Variants in RABGAP1L observed in about 807,000 individuals in gnomAD.
The protein encoded by RABGAP1L is rab GTPase-activating protein 1-like.
Under a neutral mutation model 137.7 loss-of-function variants are expected in RABGAP1L, and 63 were observed. The observed-to-expected ratio is 0.46, with a 90% CI of 0.37 to 0.56. The LOEUF (loss-of-function observed/expected upper bound fraction) is 0.56, where lower values mean the gene tolerates loss of function less well. RABGAP1L is among the 20% of genes least tolerant of loss of function. The pLI is 0.00. For synonymous variants in RABGAP1L, 431 were observed against 433.7 expected, an observed-to-expected ratio of 0.99 and a Z score of 0.08; for missense variants, 1,095 against 1,244.0, an observed-to-expected ratio of 0.88 and a Z score of 1.80.
Position 174,988,753 on chromosome 1 carries a change from A to C in RABGAP1L, c.2918A>C (p.Asp973Ala), listed in dbSNP as rs1416276756. 6.5e-7 allele frequency: 1 copy of C among 1,550,108 alleles called. No individual in the cohort carries two copies. The highest frequency in any genetic ancestry group is 8.7e-7 in the Non-Finnish European group (1 of 1,146,728). The change falls in exon 25 of 26, where the codon GAC becomes GCC. Residue 973 changes from aspartate (D) to alanine (A), a missense_variant. Physicochemically the swap from Asp to Ala is moderately radical, Grantham distance 126. This residue lies in a region of RABGAP1L where 312 missense variants were observed against 435.6 expected (regional missense o/e 0.72). Transcript: ENST00000681986. Reference protein sequence around the residue: ...DQGIETDDEKDSLKKQLREME... With the variant: ...DQGIETDDEKASLKKQLREME... ...GGAATTGAAACAGATGATGAGAAGG[A>C]CTCACTTAAGAAGCAGCTGAGAGAG...
intron 10 of RABGAP1L, among the ~76,000 whole-genome samples, chr1:174,280,449 G>T (rs1350267934): frequency 6.6e-6 from 1 of 152,142 alleles, no homozygotes; most frequent in African/African-American, 2.4e-5. Context: ...TGAACTTATT[G>T]AATGAAACCA....
At chr1:174,234,030 T>G (rs1258101561) in intron 4 of RABGAP1L, among the ~76,000 whole-genome samples, 2 of 137,582 alleles carry the variant, frequency 1.5e-5, no homozygotes, top group South Asian at 2.2e-4. Context: ...TGATGAGCAT[T>G]TTTTCATGTG....
chr1:174,247,576 C>A (rs1179939620), intron 5 of RABGAP1L, among the ~76,000 whole-genome samples: 1 of 152,224 alleles, frequency 6.6e-6, no homozygotes, highest in African/African-American at 2.4e-5. Flanking sequence ...CCGGGTCCAC[C>A]CAACATGGCA....
chr1:174,307,011 T>G (rs1256055507), intron 11 of RABGAP1L, among the ~76,000 whole-genome samples: 2 of 152,204 alleles, frequency 1.3e-5, no homozygotes, highest in East Asian at 3.8e-4. Flanking sequence ...TAGCTAATAT[T>G]TATTTAGTGC....
chr1:174,366,743 C>T (rs548939632), intron 11 of RABGAP1L, among the ~76,000 whole-genome samples: 1 of 144,132 alleles, frequency 6.9e-6, no homozygotes, highest in Non-Finnish European at 1.5e-5. Context: ...CCACTGCACT[C>T]CAGCCTGGGT....
intron 19 of RABGAP1L, among the ~76,000 whole-genome samples, chr1:174,833,057 G>A (rs1009303531): frequency 6.6e-6 from 1 of 152,024 alleles, no homozygotes; most frequent in East Asian, 1.9e-4. Context: ...TTGAATCCAG[G>A]CAGTATGGTT....
At chr1:174,423,925 A>T (rs1209536744) in intron 13 of RABGAP1L, among the ~76,000 whole-genome samples, 2 of 152,108 alleles carry the variant, frequency 1.3e-5, no homozygotes, top group African/African-American at 4.8e-5. Flanking sequence ...CAGAGAAAAA[A>T]AATATTTTGG....
intron 18 of RABGAP1L, among the ~76,000 whole-genome samples, chr1:174,774,437 A>C (rs558107070): frequency 6.6e-6 from 1 of 152,278 alleles, no homozygotes; most frequent in East Asian, 1.9e-4. Context: ...CAAAAAATAA[A>C]AATAAAAAAA....
intron 13 of RABGAP1L, among the ~76,000 whole-genome samples, chr1:174,589,376 A>C (rs1669375775): frequency 6.6e-6 from 1 of 152,112 alleles, no homozygotes; most frequent in South Asian, 2.1e-4. Flanking sequence ...GAAGTTTGCA[A>C]ATGTTGTCTT....
chr1:174,424,989 T>C (rs577542993), intron 13 of RABGAP1L, among the ~76,000 whole-genome samples: 63 of 152,082 alleles, frequency 4.1e-4, no homozygotes, highest in Non-Finnish European at 8.1e-4. Context: ...AATAATAGGA[T>C]GTTTTACATT....
chr1:174,694,918 T>A (rs1252743719), intron 15 of RABGAP1L, among the ~76,000 whole-genome samples: 1 of 151,894 alleles, frequency 6.6e-6, no homozygotes, highest in East Asian at 1.9e-4. Context: ...GGTATCTCAT[T>A]GTGGTTTTGA....
At chr1:174,754,542 C>T (rs1684572808) in intron 18 of RABGAP1L, among the ~76,000 whole-genome samples, 1 of 151,910 alleles carries the variant, frequency 6.6e-6, no homozygotes, top group Non-Finnish European at 1.5e-5. Context: ...CACTCTGTTG[C>T]CTAGGCTGGA....
intron 4 of RABGAP1L, among the ~76,000 whole-genome samples, chr1:174,238,029 C>G (rs1202946933): frequency 6.6e-6 from 1 of 151,754 alleles, no homozygotes; most frequent in African/African-American, 2.4e-5. Flanking sequence ...TTTCATCTTC[C>G]ATTGCTGATA....
At chr1:174,611,797 T>C (rs1174959137) in intron 13 of RABGAP1L, among the ~76,000 whole-genome samples, 1 of 152,212 alleles carries the variant, frequency 6.6e-6, no homozygotes, top group Non-Finnish European at 1.5e-5. Flanking sequence ...GATTCCCAGG[T>C]ATTTTATTCT....
At chr1:174,643,943 A>G (rs413471) in intron 14 of RABGAP1L, among the ~76,000 whole-genome samples, 4,590 of 92,404 alleles carry the variant, frequency 0.05, 219 homozygotes, top group African/African-American at 0.15. Context: ...GTGTGTGTGT[A>G]TGTATGTATG....
chr1:174,717,275 C>T (rs1190450566), intron 17 of RABGAP1L, among the ~76,000 whole-genome samples: 2 of 151,972 alleles, frequency 1.3e-5, no homozygotes, highest in Non-Finnish European at 2.9e-5. Context: ...GGTAGGCATG[C>T]TGGGCACAAC....
chr1:174,730,836 T>G (rs1682403240), intron 17 of RABGAP1L, among the ~76,000 whole-genome samples: 1 of 152,158 alleles, frequency 6.6e-6, no homozygotes, highest in African/African-American at 2.4e-5. Flanking sequence ...AATGTATAGA[T>G]TGACTAAAAA....
At chr1:174,391,500 T>G (rs1687207946) in intron 12 of RABGAP1L, among the ~76,000 whole-genome samples, 1 of 152,032 alleles carries the variant, frequency 6.6e-6, no homozygotes, top group African/African-American at 2.4e-5. Flanking sequence ...TGTATTTTGT[T>G]TTTTTTCTAG....
chr1:174,260,016 G>A (rs1015090378), intron 7 of RABGAP1L, among the ~76,000 whole-genome samples: 1 of 152,026 alleles, frequency 6.6e-6, no homozygotes, highest in African/African-American at 2.4e-5. Context: ...TGTATGTTTA[G>A]TAAAGATGGG....
Sources: allele counts gnomAD v4.1 joint callset (sites outside exome capture counted in the v4.1 genomes callset), GRCh38; gene constraint gnomAD v4.1.1; regional missense constraint gnomAD v4.1.1; transcripts MANE v1.5; gene names NCBI Gene and HGNC (gene_info 2026-07-23, HGNC 2026-07-21).